The following RGL1 variants were observed in gnomAD, a reference collection of about 807,000 sequenced individuals.
RGL1 encodes the protein ral guanine nucleotide dissociation stimulator like 1.
A neutral mutation model predicts 95.2 loss-of-function variants in RGL1; 24 were observed. The observed-to-expected ratio is 0.25, with a 90% CI of 0.18 to 0.35. The LOEUF (loss-of-function observed/expected upper bound fraction) is 0.35. RGL1 is among the 10% of genes least tolerant of loss of function. The pLI, the probability that RGL1 is intolerant of heterozygous loss-of-function variation, is 1.00. For missense variants in RGL1, 715 were observed against 936.3 expected (o/e 0.76, Z 3.08); for synonymous variants, 329 against 344.9 (o/e 0.95, Z 0.51).
At chr1:183,671,502 T>C (rs950583777) in intron 1 of RGL1, among the ~76,000 whole-genome samples, 1 of 152,234 alleles carries the variant, frequency 6.6e-6, no homozygotes, top group African/African-American at 2.4e-5. Flanking sequence ...CTTGGTATTG[T>C]CAGTGAAAGG....
intron 4 of RGL1, among the ~76,000 whole-genome samples, chr1:183,879,183 T>G (rs1048327399): frequency 6.6e-6 from 1 of 152,240 alleles, no homozygotes; most frequent in African/African-American, 2.4e-5. Context: ...TCCAAATGCT[T>G]TAACGTTCCA....
intron 2 of RGL1, among the ~76,000 whole-genome samples, chr1:183,781,055 G>A (rs1319653689): frequency 2.0e-5 from 3 of 152,074 alleles, no homozygotes; most frequent in Non-Finnish European, 4.4e-5. Context: ...GATGGGGCAG[G>A]GATAAGAGTG....
intron 2 of RGL1, among the ~76,000 whole-genome samples, chr1:183,822,034 G>C (rs982498506): frequency 2.0e-5 from 3 of 152,076 alleles, no homozygotes; most frequent in South Asian, 4.2e-4. Context: ...ATGTAGGGGT[G>C]GTCACCAGAG....
chr1:183,667,010 A>G (rs1219517020), intron 1 of RGL1, among the ~76,000 whole-genome samples: 1 of 152,150 alleles, frequency 6.6e-6, no homozygotes, highest in Non-Finnish European at 1.5e-5. Context: ...TTTGCTTCAC[A>G]TATTTTGATA....
intron 1 of RGL1, among the ~76,000 whole-genome samples, chr1:183,698,999 T>A (rs1240427080): frequency 1.3e-5 from 2 of 152,270 alleles, no homozygotes; most frequent in African/African-American, 4.8e-5. Flanking sequence ...TAGGAAGAAC[T>A]ATAACATCCA....
At chr1:183,648,198 T>G (rs759537520) in intron 1 of RGL1, 2 of 1,614,174 alleles carry the variant, frequency 1.2e-6, no homozygotes, top group Non-Finnish European at 1.7e-6. Context: ...GAGAACAGAA[T>G]GCCAGATCCC....
chr1:183,766,837 T>C (rs1026229313), intron 2 of RGL1, among the ~76,000 whole-genome samples: 1 of 152,014 alleles, frequency 6.6e-6, no homozygotes, highest in African/African-American at 2.4e-5. Context: ...GAATTTTAGA[T>C]AGATAGAGCA....
intron 2 of RGL1, among the ~76,000 whole-genome samples, chr1:183,756,377 C>T (rs1658341426): frequency 1.3e-5 from 2 of 152,056 alleles, no homozygotes; most frequent in Admixed American, 1.3e-4. Context: ...GAGAGAATGT[C>T]CTACCATTTA....
intron 3 of RGL1, among the ~76,000 whole-genome samples, chr1:183,858,678 G>A (rs1275288403): frequency 1.3e-5 from 2 of 152,244 alleles, no homozygotes; most frequent in Middle Eastern, 3.4e-3. Context: ...TCTCTTATCT[G>A]AAAATTTTTT....
At chr1:183,915,092 G>T (rs113501377) in intron 15 of RGL1, among the ~76,000 whole-genome samples, 82 of 152,270 alleles carry the variant, frequency 5.4e-4, no homozygotes, top group African/African-American at 1.8e-3. Flanking sequence ...CAGCTGGCTG[G>T]CTGTAAACTA....
intron 1 of RGL1, among the ~76,000 whole-genome samples, chr1:183,689,618 C>G (rs1474861858): frequency 6.6e-6 from 1 of 152,150 alleles, no homozygotes; most frequent in African/African-American, 2.4e-5. Flanking sequence ...ATTTCCAGTA[C>G]CTACCTTAGT....
intron 2 of RGL1, among the ~76,000 whole-genome samples, chr1:183,755,513 C>A (rs1217942344): frequency 6.6e-6 from 1 of 151,586 alleles, no homozygotes; most frequent in African/African-American, 2.4e-5. Context: ...AATTTCAGTA[C>A]CTTTTTAAAA....
At chr1:183,916,763 G>T in intron 16 of RGL1, 62 bp downstream of exon 16, 1 of 1,564,464 alleles carries the variant, frequency 6.4e-7, no homozygotes, top group Non-Finnish European at 8.6e-7. Context: ...TGTGTCTGTC[G>T]GCCGCTCAGA....
At chr1:183,866,258 C>A (rs761929494) in intron 4 of RGL1, among the ~76,000 whole-genome samples, 185 bp downstream of exon 4, 24 of 152,162 alleles carry the variant, frequency 1.6e-4, no homozygotes, top group African/African-American at 5.5e-4. Flanking sequence ...CTTAAGTAAC[C>A]ACTGTCTGCC....
At chr1:183,756,021 T>G (rs1658313362) in intron 2 of RGL1, among the ~76,000 whole-genome samples, 1 of 151,840 alleles carries the variant, frequency 6.6e-6, no homozygotes, top group African/African-American at 2.4e-5. Flanking sequence ...GTAGCTGGGA[T>G]TACAGGTGCC....
intron 10 of RGL1, among the ~76,000 whole-genome samples, chr1:183,899,641 C>T (rs1360998182): frequency 6.6e-6 from 1 of 152,142 alleles, no homozygotes; most frequent in Non-Finnish European, 1.5e-5. Context: ...AAGAGTTTGC[C>T]AGGTTCTTCC....
At chr1:183,638,448 G>A (rs181532834) in intron 1 of RGL1, among the ~76,000 whole-genome samples, 37 of 152,180 alleles carry the variant, frequency 2.4e-4, no homozygotes, top group Admixed American at 8.5e-4. Flanking sequence ...AATTTTGGAC[G>A]AACATTCAGA....
intron 2 of RGL1, among the ~76,000 whole-genome samples, chr1:183,789,801 G>A (rs191470402): frequency 6.6e-6 from 1 of 151,186 alleles, no homozygotes; most frequent in Admixed American, 6.6e-5. Context: ...TCATGGACAG[G>A]TATGGCAGCT....
chr1:183,786,183 C>T (rs1660170615), intron 2 of RGL1, among the ~76,000 whole-genome samples: 1 of 152,130 alleles, frequency 6.6e-6, no homozygotes. Flanking sequence ...AGGAGGATTA[C>T]TTGAGCCCAG....
Sources: allele counts gnomAD v4.1 joint callset (sites outside exome capture counted in the v4.1 genomes callset), GRCh38; gene constraint gnomAD v4.1.1; transcripts MANE v1.5; gene names NCBI Gene and HGNC (gene_info 2026-07-23, HGNC 2026-07-21).